Variants in CRLF1 observed in about 807,000 individuals in gnomAD.
CRLF1 encodes the protein cytokine receptor-like factor 1.
A neutral mutation model predicts 48.9 loss-of-function variants in CRLF1; 36 were observed. The ratio of observed to expected loss-of-function variants is 0.74; its 90% confidence interval spans 0.56 to 0.97. CRLF1 has a LOEUF of 0.97. Among genes scored for constraint, CRLF1 ranks in the 50% least tolerant of loss-of-function variants. The pLI is 0.00. For synonymous variants in CRLF1, 256 were observed against 253.4 expected (o/e 1.01, Z -0.10); for missense variants, 534 against 575.1 (o/e 0.93, Z 0.73).
rs2145328928 is a variant in CRLF1, at chr19:18,596,638, G to A, written c.1008C>T (p.Ala336=). 1 of 1,613,846 alleles carries A rather than the reference G, an allele frequency of 6.2e-7. No individual in the cohort carries two copies. Among genetic ancestry groups the A allele is most frequent in the East Asian group, 2.2e-5 (1 of 44,880 alleles). Residue 336 remains alanine, a synonymous_variant, in exon 6 of 9, where the codon GCC becomes GCT. Transcript: ENST00000392386. Reference sequence around the variant, plus strand: ...GGTGCTCACCACTGCGGGGAGTGGAGGCGGCTGTGGGGTGGCTCCACTCAC... The same window carrying A: ...GGTGCTCACCACTGCGGGGAGTGGAAGCGGCTGTGGGGTGGCTCCACTCAC... ...IWSEWSHPTA[A]STPRSERPGP...
Position 18,596,925 on chromosome 19 carries a change from G to A in CRLF1, c.822C>T (p.Ile274=), listed in dbSNP as rs149015379. ...CCACACTGTCCTCCACTCGGTAGCGGATCTGGTATTTGGCTTGAAAGAGGA... is the reference window on the plus strand; with the variant it reads ...CCACACTGTCCTCCACTCGGTAGCGAATCTGGTATTTGGCTTGAAAGAGGA... ...KDFLFQAKYQ[I]RYRVEDSVDW... Residue 274 remains isoleucine (I), a synonymous_variant, in exon 5 of 9, where the codon ATC becomes ATT. Coordinates refer to ENST00000392386, the MANE Select transcript of CRLF1 (RefSeq NM_004750.5). The A allele has an allele frequency of 1.9e-6, 3 of 1,614,038 alleles. No homozygotes were observed. The highest frequency in any genetic ancestry group is 2.5e-6 in the Non-Finnish European group (3 of 1,180,042).
In CRLF1 at chr19:18,593,395, G is replaced by T; in HGVS notation, c.*171C>A. 1 of 844,356 alleles carries T rather than the reference G, an allele frequency of 1.2e-6. No homozygotes were observed. The highest frequency in any genetic ancestry group is 1.9e-6 in the Non-Finnish European group (1 of 539,168). 52.3% of individuals were successfully genotyped at this position (844,356 alleles called of 1,614,324 possible). ...CACACCCACTGGGGTGCACCCAAAG[G>T]TGGCCTCACGTGGGAGTCAGAGCTG... is the stretch of plus-strand genomic sequence containing the variant. On this transcript the variant is annotated 3_prime_UTR_variant, in exon 9 of 9. Transcript: ENST00000392386.
chr19:18,600,646 G>A (rs545806158), intron 1 of CRLF1, among the ~76,000 whole-genome samples: 99 of 151,862 alleles, frequency 6.5e-4, no homozygotes, highest in South Asian at 1.5e-3. Context: ...GATTACAGGC[G>A]TGAGCCACTG....
At position 18,594,395 on chromosome 19, in the gene CRLF1, C is replaced by T. The variant is rs776416499; in HGVS notation, c.1064G>A (p.Gly355Asp). ...CACCGGCCCCGAGCTCGGCTCTCCG[C>T]CCCGCGGTTCGCACGCCCCGCCGCC... ...GPGGGACEPR[G>D]GEPSSGPVRR... Residue 355 changes from glycine to aspartate, a missense_variant, in exon 7 of 9, where the codon GGC (glycine) becomes GAC (aspartate). By Grantham distance (94) the Gly-to-Asp change is moderately conservative (BLOSUM62 -1). Around this residue, in one of 2 missense-constraint regions of CRLF1, gnomAD observed 528 missense variants for 555.7 expected, o/e 0.95. Transcript: ENST00000392386. 1 of 1,576,258 alleles carries T rather than the reference C, an allele frequency of 6.3e-7. No individual in the cohort carries two copies.
chr19:18,596,902 A>T lies in CRLF1; in HGVS notation c.845T>A (p.Val282Glu), dbSNP rs765230520. The T allele has an allele frequency of 4.3e-6, 7 of 1,613,970 alleles. No individual in the cohort carries two copies. Among genetic ancestry groups the T allele is most frequent in the Non-Finnish European group, 5.9e-6 (7 of 1,180,002 alleles). ...GAAGGGGAGGGTCACCTTCCAGTCC[A>T]CACTGTCCTCCACTCGGTAGCGGAT... ...YQIRYRVEDS[V>E]DWKVVDDVSN... The change falls in exon 5 of 9, where the codon GTG becomes GAG. Residue 282 changes from valine to glutamate, a missense_variant. Coordinates refer to ENST00000392386, the MANE Select transcript of CRLF1 (RefSeq NM_004750.5).
At position 18,599,575 on chromosome 19, in the gene CRLF1, G is replaced by GAGGCAGGAGCC; in HGVS notation, c.376_386dup (p.Tyr130AlafsTer23). On this transcript the variant is annotated frameshift_variant, in exon 2 of 9. Transcript: ENST00000392386. LOFTEE classifies it high-confidence loss of function. ...TGGGTGCCAACTTACGGCCAACATAGAGGCAGGAGCCAGCCAGGATGCTGC... is the reference window on the plus strand; with the variant it reads ...TGGGTGCCAACTTACGGCCAACATAGAGGCAGGAGCCAGGCAGGAGCCAGCCAGGATGCTGC... The GAGGCAGGAGCC allele has an allele frequency of 1.9e-6, 3 of 1,612,388 alleles. No homozygotes were observed. Among genetic ancestry groups the GAGGCAGGAGCC allele is most frequent in the Non-Finnish European group, 2.5e-6 (3 of 1,180,022 alleles).
chr19:18,601,234 TA>T (rs903579174), intron 1 of CRLF1, among the ~76,000 whole-genome samples: 1 of 152,012 alleles, frequency 6.6e-6, no homozygotes, highest in Non-Finnish European at 1.5e-5. Context: ...GGGCACTGCT[TA>T]AAATGAAAGC....
chr19:18,598,077 C>T (rs770988486), intron 4 of CRLF1, among the ~76,000 whole-genome samples: 3 of 152,114 alleles, frequency 2.0e-5, no homozygotes, highest in Non-Finnish European at 2.9e-5. Context: ...TCCCGCCCTG[C>T]GCCCCCCAGC....
intron 6 of CRLF1, among the ~76,000 whole-genome samples, chr19:18,595,775 A>T (rs1182764354): frequency 6.6e-6 from 1 of 152,252 alleles, no homozygotes; most frequent in African/African-American, 2.4e-5. Context: ...GAGAGACTAG[A>T]GGCCTGTGGA....
intron 1 of CRLF1, among the ~76,000 whole-genome samples, chr19:18,603,456 G>A (rs1976245156): frequency 6.6e-6 from 1 of 152,220 alleles, no homozygotes; most frequent in Non-Finnish European, 1.5e-5. Context: ...AATGAGGTTT[G>A]AGAGGTCAGA....
chr19:18,594,032 T>TTGGCGC, intron 8 of CRLF1, 33 bp downstream of exon 8: 31 of 695,786 alleles, frequency 4.5e-5, no homozygotes, highest in Non-Finnish European at 6.9e-5. Context: ...CTCCCCTTGC[T>TTGGCGC]CCCTCCCGCC....
intron 6 of CRLF1, among the ~76,000 whole-genome samples, chr19:18,595,974 C>A (rs1976126507): frequency 6.6e-6 from 1 of 152,144 alleles, no homozygotes; most frequent in African/African-American, 2.4e-5. Context: ...CAAAACAGAC[C>A]AGATGGGGAT....
chr19:18,594,484 G>A, intron 6 of CRLF1, 50 bp from the exon 7 acceptor site: 3 of 1,280,422 alleles, frequency 2.3e-6, no homozygotes, highest in Non-Finnish European at 3.0e-6. Flanking sequence ...CAGGGGGTGC[G>A]CGCGGGCAGG....
intron 8 of CRLF1, 35 bp downstream of exon 8, chr19:18,594,030 G>GGGGGGGGGCCCC: frequency 7.6e-7 from 1 of 1,315,314 alleles, no homozygotes. Context: ...CCCTCCCCTT[G>GGGGGGGGGCCCC]CTCCCTCCCG....
At chr19:18,603,250 A>G (rs1055037502) in intron 1 of CRLF1, among the ~76,000 whole-genome samples, 4 of 152,250 alleles carry the variant, frequency 2.6e-5, no homozygotes, top group Non-Finnish European at 4.4e-5. Flanking sequence ...ATCTAAGACA[A>G]TAACTAGGGG....
chr19:18,596,965 G>A lies in CRLF1; in HGVS notation c.782C>T (p.Pro261Leu). Residue 261 changes from proline (P) to leucine (L), a missense_variant, in exon 5 of 9, where the codon CCC becomes CTC. Pro to Leu is a moderately conservative substitution (Grantham distance 98, BLOSUM62 -3). This residue lies in a region of CRLF1 where 528 missense variants were observed against 555.7 expected (regional missense o/e 0.95). Coordinates refer to ENST00000392386, the MANE Select transcript of CRLF1 (RefSeq NM_004750.5). ...TTGAAAGAGGAAATCCTTGAGGGCG[G>A]GTGGCGACACCCAGCGCACGCTCAG... ...DQLSVRWVSP[P>L]ALKDFLFQAK... 1 of 1,614,026 alleles carries A rather than the reference G, an allele frequency of 6.2e-7. No homozygotes were observed. The highest frequency in any genetic ancestry group is 8.5e-7 in the Non-Finnish European group (1 of 1,180,014).
chr19:18,594,396 C>T lies in CRLF1; in HGVS notation c.1063G>A (p.Gly355Ser), dbSNP rs1315622937. The T allele has an allele frequency of 2.5e-6, 4 of 1,575,770 alleles. No homozygotes were observed. The African/African-American group carries it at 4.1e-5, about 16-fold the overall frequency. Residue 355 changes from glycine (G) to serine (S), a missense_variant, in exon 7 of 9, where the codon GGC becomes AGC. This residue lies in a region of CRLF1 where 528 missense variants were observed against 555.7 expected (regional missense o/e 0.95). Transcript: ENST00000392386. Reference protein sequence around the residue: ...GPGGGACEPRGGEPSSGPVRR... With the variant: ...GPGGGACEPRSGEPSSGPVRR... ...ACCGGCCCCGAGCTCGGCTCTCCGC[C>T]CCGCGGTTCGCACGCCCCGCCGCCC...
At chr19:18,598,627 C>T (rs775002096) in intron 3 of CRLF1, 26 bp from the exon 4 acceptor site, 34 of 1,613,828 alleles carry the variant, frequency 2.1e-5, no homozygotes, top group Non-Finnish European at 2.5e-5. Context: ...GGCGACAGGA[C>T]GCATGAGGGT....
At chr19:18,601,391 G>A (rs769087143) in intron 1 of CRLF1, among the ~76,000 whole-genome samples, 13 of 151,798 alleles carry the variant, frequency 8.6e-5, no homozygotes, top group African/African-American at 2.4e-4. Context: ...ATTCTCCTGC[G>A]TCAGCCTCCC....
Sources: allele counts gnomAD v4.1 joint callset (sites outside exome capture counted in the v4.1 genomes callset), GRCh38; gene constraint gnomAD v4.1.1; regional missense constraint gnomAD v4.1.1; transcripts MANE v1.5; gene names NCBI Gene and HGNC (gene_info 2026-07-23, HGNC 2026-07-21).